Variants in PLIN1 observed in about 807,000 individuals in gnomAD.
PLIN1 encodes perilipin-1.
Under a neutral mutation model 45.8 loss-of-function variants are expected in PLIN1, and 37 were observed. That is an observed-to-expected ratio of 0.81 (90% CI 0.62 to 1.06). PLIN1 has a LOEUF of 1.06. Among genes scored for constraint, PLIN1 ranks in the 50% least tolerant of loss-of-function variants. The probability of loss-of-function intolerance (pLI) is 0.00; values close to 1 mark genes in which losing one functional copy is unlikely to be tolerated. For synonymous variants in PLIN1, 340 were observed against 309.2 expected (o/e 1.10, Z -1.05); for missense variants, 776 against 716.5 (o/e 1.08, Z -0.95).
chr15:89,667,652 C>T lies in PLIN1; in HGVS notation c.913G>A (p.Asp305Asn). ...TCCAATTCTTCCTCCTCCTCCGTGTCCTCTCCCTCCGTGTCTGTCTGGTCC... is the reference window on the plus strand; with the variant it reads ...TCCAATTCTTCCTCCTCCTCCGTGTTCTCTCCCTCCGTGTCTGTCTGGTCC... ...HEDQTDTEGE[D>N]TEEEEELETE... Residue 305 changes from aspartate (D) to asparagine (N), a missense_variant, in exon 7 of 9, where the codon GAC becomes AAC. By Grantham distance (23) the Asp-to-Asn change is conservative. Coordinates refer to ENST00000300055, the MANE Select transcript of PLIN1 (RefSeq NM_002666.5). 1 of 1,610,378 alleles carries T rather than the reference C, an allele frequency of 6.2e-7. No homozygotes were observed. The highest frequency in any genetic ancestry group is 8.5e-7 in the Non-Finnish European group (1 of 1,178,058).
Position 89,673,369 on chromosome 15 carries a change from T to A in PLIN1, c.91A>T (p.Ser31Cys). The A allele has an allele frequency of 6.2e-7, 1 of 1,604,384 alleles. No homozygotes were observed. The highest frequency in any genetic ancestry group is 8.5e-7 in the Non-Finnish European group (1 of 1,175,448). Residue 31 changes from serine (S) to cysteine (C), a missense_variant, in exon 3 of 9, where the codon AGT becomes TGT. Coordinates refer to ENST00000300055, the MANE Select transcript of PLIN1 (RefSeq NM_002666.5). Reference sequence around the variant, plus strand: ...TTCTGGAAGCATTCGCAGGTGCCACTCACCACCGGCAGCTGCAGGACCCGC... The same window carrying A: ...TTCTGGAAGCATTCGCAGGTGCCACACACCACCGGCAGCTGCAGGACCCGC... ...LQRVLQLPVV[S>C]GTCECFQKTY...
In PLIN1 at chr15:89,668,002, A is replaced by G. The variant is rs547852821; in HGVS notation, c.772-209T>C. Among the ~76,000 whole-genome samples, 53 of 152,348 alleles carry G rather than the reference A, an allele frequency of 3.5e-4. 1 individual carries two copies. The South Asian group carries it at 0.011, about 32-fold the overall frequency. On this transcript the variant is annotated intron_variant, in intron 6 of 8. Transcript: ENST00000300055. ...TTTAGTGTAAGCTCTATGAATTTTT[A>G]TAAGAACACACCTGTGTAACCACCA...
chr15:89,667,270 G>A (rs1007966608), intron 7 of PLIN1, 89 bp from the exon 8 acceptor site: 52 of 1,554,276 alleles, frequency 3.3e-5, no homozygotes, highest in Middle Eastern at 4.6e-4. Flanking sequence ...GGGAAAGCAT[G>A]AGAATACCAA....
intron 6 of PLIN1, among the ~76,000 whole-genome samples, chr15:89,669,045 G>T (rs756844532): frequency 3.8e-4 from 58 of 151,860 alleles, no homozygotes; most frequent in Non-Finnish European, 6.8e-4. Context: ...CTTCACCTTG[G>T]GTGCATTGGT....
chr15:89,667,455 C>G (rs899205670), intron 7 of PLIN1, 147 bp downstream of exon 7: 1 of 1,278,398 alleles, frequency 7.8e-7, no homozygotes, highest in African/African-American at 1.5e-5. Context: ...CCCTCGCCAG[C>G]TGGGCATTTG....
At chr15:89,672,595 C>T (rs889418589) in intron 3 of PLIN1, among the ~76,000 whole-genome samples, 12 of 152,310 alleles carry the variant, frequency 7.9e-5, no homozygotes, top group East Asian at 5.8e-4. Flanking sequence ...GGCATTGCTG[C>T]GATTTCCCTC....
chr15:89,669,925 C>T, intron 5 of PLIN1, 55 bp downstream of exon 5: 1 of 1,569,732 alleles, frequency 6.4e-7, no homozygotes, highest in Non-Finnish European at 8.6e-7. Context: ...CTGCTGATTC[C>T]CAGGCAGTGT....
chr15:89,669,413 G>A (rs1409177722), intron 6 of PLIN1, 87 bp downstream of exon 6: 3 of 1,098,862 alleles, frequency 2.7e-6, no homozygotes, highest in Non-Finnish European at 4.1e-6. Context: ...AGGACAGGAA[G>A]GGGTGATGGG....
Position 89,674,314 on chromosome 15 carries a change from T to C in PLIN1, c.46-900A>G, listed in dbSNP as rs796088424. On this transcript the variant is annotated intron_variant, in intron 2 of 8. Transcript: ENST00000300055. ...CTCTGTTGCTCAAACTGAAGTGCAT[T>C]AGTGCCATCATAGTTCACTGTAACC... 2.0e-5 allele frequency among the ~76,000 whole-genome samples: 3 copies of C among 152,192 alleles called. No homozygotes were observed. In the South Asian group the frequency reaches 6.2e-4, roughly 32 times the overall value.
intron 8 of PLIN1, among the ~76,000 whole-genome samples, 175 bp downstream of exon 8, chr15:89,666,761 T>G (rs932329431): frequency 6.6e-6 from 1 of 152,170 alleles, no homozygotes; most frequent in African/African-American, 2.4e-5. Flanking sequence ...CTCCTGGGGC[T>G]GGGAGAGGCC....
intron 3 of PLIN1, among the ~76,000 whole-genome samples, 156 bp downstream of exon 3, chr15:89,673,054 A>G (rs1596042401): frequency 6.6e-6 from 1 of 152,266 alleles, no homozygotes; most frequent in African/African-American, 2.4e-5. Context: ...GTATACCTTT[A>G]TAGCCATAGA....
At position 89,665,587 on chromosome 15, in the gene PLIN1, C is replaced by A; in HGVS notation, c.1565G>T (p.Ser522Ile). 1 of 1,528,664 alleles carries A rather than the reference C, an allele frequency of 6.5e-7. No individual in the cohort carries two copies. The highest frequency in any genetic ancestry group is 8.8e-7 in the Non-Finnish European group (1 of 1,139,798). 94.7% of individuals were successfully genotyped at this position (1,528,664 alleles called of 1,614,324 possible). Residue 522 changes from serine (S) to isoleucine (I), a missense_variant, in exon 9 of 9, where the codon AGC becomes ATC. Ser to Ile is a moderately radical substitution (Grantham distance 142). Transcript: ENST00000300055. ...CGCGGCGGCTGGTGCGGCGACTCAG[C>A]TCTTCTTGCGCAGCTGGCTGTAATG... Reference protein sequence around the residue: ...RTHYSQLRKKS With the variant: ...RTHYSQLRKKI
chr15:89,666,436 A>G (rs1964341882), intron 8 of PLIN1, among the ~76,000 whole-genome samples: 1 of 152,136 alleles, frequency 6.6e-6, no homozygotes, highest in South Asian at 2.1e-4. Context: ...CATAATCTGT[A>G]ACCTGCTTTG....
rs919404490 is a variant in PLIN1 at position 89,674,117 on chromosome 15, G to A, written c.46-703C>T. Among the ~76,000 whole-genome samples the A allele has an allele frequency of 1.5e-4, 23 of 152,296 alleles. No homozygotes were observed. In the East Asian group the frequency reaches 2.5e-3, roughly 17 times the overall value. ...TGGCACAGTAATATTAGCTGAATACGTGAACCACAGTCAGGGCTGTGCCTA... is the reference window on the plus strand; with the variant it reads ...TGGCACAGTAATATTAGCTGAATACATGAACCACAGTCAGGGCTGTGCCTA... On this transcript the variant is annotated intron_variant, in intron 2 of 8. Transcript: ENST00000300055.
chr15:89,667,037 C>A lies in PLIN1; in HGVS notation c.1108G>T (p.Ala370Ser). ...MAGRVLHLTP[A>S]PAVSSTKGRA... ...CCCTTGGTTGAGGAGACAGCAGGGG[C>A]TGGTGTGAGGTGCAGCACCCTCCCT... Residue 370 changes from alanine (A) to serine (S), a missense_variant, in exon 8 of 9, where the codon GCC becomes TCC. Transcript: ENST00000300055. 6 of 1,614,114 alleles carry A rather than the reference C, an allele frequency of 3.7e-6. No homozygotes were observed. The highest frequency in any genetic ancestry group is 1.7e-5 in the Admixed American group (1 of 60,026).
In PLIN1 at chr15:89,673,394, C is replaced by T; in HGVS notation, c.66G>A (p.Gln22=). 6.2e-7 allele frequency: 1 copy of T among 1,602,642 alleles called. No individual in the cohort carries two copies. The highest frequency in any genetic ancestry group is 1.1e-5 in the South Asian group (1 of 88,892). The change falls in exon 3 of 9, where the codon CAG becomes CAA. Residue 22 remains glutamine (Q), a synonymous_variant. Coordinates refer to ENST00000300055, the MANE Select transcript of PLIN1 (RefSeq NM_002666.5). ...TCACCACCGGCAGCTGCAGGACCCG[C>T]TGCAGCACATTCTCCTGCTCCTGGT... ...GDLPEQENVL[Q]RVLQLPVVSG...
At chr15:89,672,563 G>A (rs1462911887) in intron 3 of PLIN1, among the ~76,000 whole-genome samples, 1 of 152,198 alleles carries the variant, frequency 6.6e-6, no homozygotes, top group Non-Finnish European at 1.5e-5. Context: ...TAATTAGGAT[G>A]GTGGAAGGTA....
At chr15:89,671,100 T>C (rs778996210) in intron 4 of PLIN1, among the ~76,000 whole-genome samples, 3 of 152,170 alleles carry the variant, frequency 2.0e-5, no homozygotes, top group Admixed American at 6.5e-5. Flanking sequence ...CTTGAGGATA[T>C]GGGATGACAC....
In PLIN1 at chr15:89,665,916, G is replaced by A. The variant is rs8179073; in HGVS notation, c.1236C>T (p.Pro412=). ...TGTCGATGTCCCGGAATTCGCTCTC[G>A]GGCTCCATCAGCGACAGCCTGGGGA... ...VPLPRLSLME[P]ESEFRDIDNP... Residue 412 remains proline, a synonymous_variant, in exon 9 of 9, where the codon CCC becomes CCT. Transcript: ENST00000300055. The A allele has an allele frequency of 4.8e-5, 74 of 1,533,512 alleles. No individual in the cohort carries two copies. In the Admixed American group the frequency reaches 1.2e-3, roughly 25 times the overall value. 95.0% of individuals were successfully genotyped at this position (1,533,512 alleles called of 1,614,324 possible).
Sources: allele counts gnomAD v4.1 joint callset (sites outside exome capture counted in the v4.1 genomes callset), GRCh38; gene constraint gnomAD v4.1.1; transcripts MANE v1.5; gene names NCBI Gene and HGNC (gene_info 2026-07-23, HGNC 2026-07-21).